The following WDR47 variants were observed in gnomAD, a reference collection of about 807,000 sequenced individuals.
The protein encoded by WDR47 is WD repeat domain 47, also known as WD repeat-containing protein 47.
In WDR47, 32 loss-of-function variants were observed where a neutral mutation model predicts 97.2. That is an observed-to-expected ratio of 0.33 (90% CI 0.25 to 0.44). The LOEUF (loss-of-function observed/expected upper bound fraction) is 0.44. Ranked by LOEUF, WDR47 falls within the 20% of genes least tolerant of loss-of-function variation. The pLI is 1.00. For missense variants in WDR47, 782 were observed against 1,102.3 expected (o/e 0.71, Z 4.11); for synonymous variants, 375 against 373.5 (o/e 1.00, Z -0.05).
intron 14 of WDR47, 88 bp from the exon 15 acceptor site, chr1:108,971,660 G>A: frequency 7.0e-7 from 1 of 1,438,540 alleles, no homozygotes. Context: ...AGACATTACA[G>A]TATAAAAAAT....
At position 109,011,610 on chromosome 1, in the gene WDR47, G is replaced by A; in HGVS notation, c.436C>T (p.Leu146=). Residue 146 remains leucine, a synonymous_variant, in exon 5 of 15, where the codon CTG becomes TTG. Coordinates refer to ENST00000369962, the MANE Select transcript of WDR47 (RefSeq NM_001142551.2). ...KLCLLLTLPR[L]TNHAEFKDWN... ...TCCTTAAACTCGGCATGATTGGTCA[G>A]ACGAGGCAAAGTCAAAAGCAAACAG... 6.2e-7 allele frequency: 1 copy of A among 1,614,184 alleles called. No homozygotes were observed. Among genetic ancestry groups the A allele is most frequent in the Non-Finnish European group, 8.5e-7 (1 of 1,180,038 alleles).
intron 1 of WDR47, among the ~76,000 whole-genome samples, chr1:109,035,499 ATTTTTTT>A (rs773014772): frequency 6.9e-6 from 1 of 143,922 alleles, no homozygotes; most frequent in South Asian, 2.2e-4. Flanking sequence ...CAATTTTTAA[ATTTTTTT>A]TTTTTTTTTG....
intron 13 of WDR47, among the ~76,000 whole-genome samples, chr1:108,976,773 AGAG>A (rs1657935458): frequency 6.6e-6 from 1 of 152,210 alleles, no homozygotes; most frequent in Non-Finnish European, 1.5e-5. Flanking sequence ...TGAGAAGACA[AGAG>A]GAGGAACATT....
At chr1:109,015,056 A>G (rs915773469) in intron 3 of WDR47, among the ~76,000 whole-genome samples, 1 of 152,196 alleles carries the variant, frequency 6.6e-6, no homozygotes, top group Non-Finnish European at 1.5e-5. Context: ...AACAAAAAAA[A>G]GACATAACAA....
At chr1:109,032,874 G>T (rs1662695691) in intron 1 of WDR47, among the ~76,000 whole-genome samples, 1 of 152,008 alleles carries the variant, frequency 6.6e-6, no homozygotes, top group African/African-American at 2.4e-5. Flanking sequence ...TCCAGCCTGG[G>T]TGACAGAGTG....
Position 108,991,270 on chromosome 1 carries a change from C to A in WDR47, c.1751G>T (p.Arg584Met), listed in dbSNP as rs922897082. 6.2e-7 allele frequency: 1 copy of A among 1,613,130 alleles called. No individual in the cohort carries two copies. The highest frequency in any genetic ancestry group is 1.7e-5 in the Admixed American group (1 of 59,988). Residue 584 changes from arginine (R) to methionine (M), a missense_variant, in exon 9 of 15, where the codon AGG becomes ATG. This residue lies in a region of WDR47 where 126 missense variants were observed against 121.3 expected (regional missense o/e 1.04). Transcript: ENST00000369962. ...PLGDSPGSLS[R>M]SKGEEDDKSK... Reference sequence around the variant, plus strand: ...AAGTATTACCTCTTCCCCTTTCGACCTTGAAAGACTCCCTGGAGAATCTCC... The same window carrying A: ...AAGTATTACCTCTTCCCCTTTCGACATTGAAAGACTCCCTGGAGAATCTCC...
intron 13 of WDR47, among the ~76,000 whole-genome samples, chr1:108,980,480 G>T (rs1300700773): frequency 1.3e-5 from 2 of 152,164 alleles, no homozygotes; most frequent in African/African-American, 4.8e-5. Flanking sequence ...TGTAATCCCA[G>T]CACTTTGGGA....
chr1:109,005,450 T>A, intron 5 of WDR47, among the ~76,000 whole-genome samples: 1 of 152,100 alleles, frequency 6.6e-6, no homozygotes, highest in East Asian at 1.9e-4. Context: ...GTTTATAAAC[T>A]GTACACAAAT....
chr1:109,033,984 A>G (rs187106408), intron 1 of WDR47, among the ~76,000 whole-genome samples: 1 of 152,302 alleles, frequency 6.6e-6, no homozygotes, highest in East Asian at 1.9e-4. Flanking sequence ...TGACAGCATG[A>G]AATTTTTACC....
Position 108,981,715 on chromosome 1 carries a change from A to C in WDR47, c.2398+18T>G. 6.2e-7 allele frequency: 1 copy of C among 1,605,214 alleles called. No homozygotes were observed. Among genetic ancestry groups the C allele is most frequent in the Non-Finnish European group, 8.5e-7 (1 of 1,176,724 alleles). ...ACAAAGTTTTTTTCCCATATATATC[A>C]TTTAAAGAAAAACCTACCAGTTCCA... On this transcript the variant is annotated intron_variant, in intron 13 of 14. Coordinates refer to ENST00000369962, the MANE Select transcript of WDR47 (RefSeq NM_001142551.2).
At chr1:108,986,118 G>T (rs1557921293) in intron 10 of WDR47, among the ~76,000 whole-genome samples, 1 of 152,100 alleles carries the variant, frequency 6.6e-6, no homozygotes, top group Non-Finnish European at 1.5e-5. Flanking sequence ...AGGTGTGTAT[G>T]AATAGGAAAA....
chr1:108,987,939 G>A (rs2101841362), intron 9 of WDR47, among the ~76,000 whole-genome samples: 1 of 151,866 alleles, frequency 6.6e-6, no homozygotes, highest in East Asian at 1.9e-4. Flanking sequence ...AAGACAAAAT[G>A]TAAGAATAAA....
chr1:109,015,200 AAAT>A (rs1484932933), intron 3 of WDR47, among the ~76,000 whole-genome samples: 3 of 149,784 alleles, frequency 2.0e-5, no homozygotes, highest in African/African-American at 7.5e-5. Context: ...GCAAATCAAA[AAAT>A]AACAACAGGT....
At chr1:108,993,842 G>A (rs1384370055) in intron 8 of WDR47, among the ~76,000 whole-genome samples, 1 of 152,114 alleles carries the variant, frequency 6.6e-6, no homozygotes, top group African/African-American at 2.4e-5. Context: ...AACTCATCAT[G>A]TACAGACACA....
At chr1:109,015,686 T>C (rs987522255) in intron 3 of WDR47, among the ~76,000 whole-genome samples, 8 of 150,290 alleles carry the variant, frequency 5.3e-5, no homozygotes, top group African/African-American at 2.0e-4. Context: ...GGGAAGTCAA[T>C]CCTTAAAAAA....
chr1:108,980,990 T>C (rs1011661018), intron 13 of WDR47, among the ~76,000 whole-genome samples: 1 of 151,770 alleles, frequency 6.6e-6, no homozygotes, highest in Non-Finnish European at 1.5e-5. Flanking sequence ...TAGCTGGGCA[T>C]GGTGGCGGGC....
At chr1:109,018,326 G>A (rs566929971) in intron 2 of WDR47, among the ~76,000 whole-genome samples, 7 of 151,326 alleles carry the variant, frequency 4.6e-5, no homozygotes, top group East Asian at 2.0e-4. Flanking sequence ...GCGGGCGCCC[G>A]TAATCCCAGC....
chr1:109,024,108 T>C (rs1006751919), intron 1 of WDR47, among the ~76,000 whole-genome samples: 1 of 152,182 alleles, frequency 6.6e-6, no homozygotes, highest in Non-Finnish European at 1.5e-5. Flanking sequence ...AATACCTAAA[T>C]GATGACCTGG....
At chr1:108,983,917 T>C (rs1479372949) in intron 10 of WDR47, among the ~76,000 whole-genome samples, 1 of 152,258 alleles carries the variant, frequency 6.6e-6, no homozygotes. Flanking sequence ...GATATTGTCA[T>C]GAGACTACCC....
Sources: allele counts gnomAD v4.1 joint callset (sites outside exome capture counted in the v4.1 genomes callset), GRCh38; gene constraint gnomAD v4.1.1; regional missense constraint gnomAD v4.1.1; transcripts MANE v1.5; gene names NCBI Gene and HGNC (gene_info 2026-07-23, HGNC 2026-07-21).